The following MFSD1 variants were observed in gnomAD, a reference collection of about 807,000 sequenced individuals.
MFSD1 encodes the protein lysosomal dipeptide transporter MFSD1.
MFSD1 carries 59 observed loss-of-function variants against 67.1 expected under a neutral mutation model. The ratio of observed to expected loss-of-function variants is 0.88; its 90% confidence interval spans 0.71 to 1.09. MFSD1 has a LOEUF of 1.09. Ranked by LOEUF, MFSD1 falls within the 50% of genes least tolerant of loss-of-function variation. The pLI is 0.00. For missense variants in MFSD1, 552 were observed against 566.1 expected (o/e 0.97, Z 0.25); for synonymous variants, 213 against 200.3 (o/e 1.06, Z -0.54).
At chr3:158,827,972 G>GAGAGAGAGAC (rs1731093518) in intron 15 of MFSD1, among the ~76,000 whole-genome samples, 1 of 136,346 alleles carries the variant, frequency 7.3e-6, no homozygotes, top group Admixed American at 7.5e-5. Flanking sequence ...GAGAGAGAGA[G>GAGAGAGAGAC]AGAGAGACAG....
chr3:158,803,646 T>C (rs1264879423), intron 1 of MFSD1, among the ~76,000 whole-genome samples: 1 of 152,234 alleles, frequency 6.6e-6, no homozygotes, highest in Non-Finnish European at 1.5e-5. Context: ...AGTAGAGCTA[T>C]GGAGGCAATA....
chr3:158,807,092 G>C lies in MFSD1; in HGVS notation c.372+10G>C, dbSNP rs965934332. 3.1e-6 allele frequency: 5 copies of C among 1,607,510 alleles called. No homozygotes were observed. In the African/African-American group the frequency reaches 6.7e-5, roughly 22 times the overall value. ...TGTTTGCATTGGACAGGTAAGGAAGGCCAAAACATTCATTGATTATTGACA... is the reference window on the plus strand; with the variant it reads ...TGTTTGCATTGGACAGGTAAGGAAGCCCAAAACATTCATTGATTATTGACA... On this transcript the variant is annotated intron_variant, in intron 4 of 15. Transcript: ENST00000415822.
At position 158,807,034 on chromosome 3, in the gene MFSD1, A is replaced by G. The variant is rs1018674727; in HGVS notation, c.330-6A>G. Reference sequence around the variant, plus strand: ...TTCTCATTCTCATTCTTTCTTTCCCAAACAGATGGGGCACAATCATTTTTA... The same window carrying G: ...TTCTCATTCTCATTCTTTCTTTCCCGAACAGATGGGGCACAATCATTTTTA... On this transcript the variant is annotated splice_region_variant and splice_polypyrimidine_tract_variant and intron_variant, in intron 3 of 15. Transcript: ENST00000415822. 6.2e-7 allele frequency: 1 copy of G among 1,608,034 alleles called. No homozygotes were observed. Among genetic ancestry groups the G allele is most frequent in the Non-Finnish European group, 8.5e-7 (1 of 1,177,400 alleles).
intron 7 of MFSD1, among the ~76,000 whole-genome samples, chr3:158,815,118 C>G (rs530123302): frequency 1.3e-5 from 2 of 152,110 alleles, no homozygotes; most frequent in African/African-American, 4.8e-5. Context: ...AACCAACCAA[C>G]CAAACAAAAC....
At chr3:158,811,231 C>T (rs1730000057) in intron 6 of MFSD1, among the ~76,000 whole-genome samples, 1 of 152,146 alleles carries the variant, frequency 6.6e-6, no homozygotes, top group Non-Finnish European at 1.5e-5. Context: ...CAACTGTGAG[C>T]GCTGTAACCT....
At position 158,819,706 on chromosome 3, in the gene MFSD1, A is replaced by G; in HGVS notation, c.710A>G (p.Gln237Arg). The G allele has an allele frequency of 1.2e-6, 2 of 1,609,812 alleles. No individual in the cohort carries two copies. Residue 237 changes from glutamine (Q) to arginine (R), a missense_variant, in exon 8 of 16, where the codon CAG becomes CGG. Physicochemically the swap from Gln to Arg is conservative, Grantham distance 43 (BLOSUM62 1). Transcript: ENST00000415822. The part of the protein sequence containing the change: ...ICALALAYLD[Q>R]RAERILHKEQ... ...GCCTTGGCTCTTGCCTACTTGGATC[A>G]GAGAGCAGAGAGAATCCTTCATAAA...
intron 13 of MFSD1, among the ~76,000 whole-genome samples, chr3:158,824,986 A>G (rs1730888533): frequency 6.6e-6 from 1 of 152,200 alleles, no homozygotes; most frequent in Admixed American, 6.6e-5. Flanking sequence ...TTTAAAAATA[A>G]ATGTTTAAAA....
chr3:158,809,394 A>G, intron 6 of MFSD1, 107 bp downstream of exon 6: 1 of 712,542 alleles, frequency 1.4e-6, no homozygotes, highest in Non-Finnish European at 2.3e-6. Context: ...GGTAAATTAG[A>G]TATTAACTTT....
chr3:158,809,169 C>G lies in MFSD1; in HGVS notation c.441-10C>G, dbSNP rs202246884. The G allele has an allele frequency of 1.1e-4, 88 of 827,448 alleles. No homozygotes were observed. Among genetic ancestry groups the G allele is most frequent in the Non-Finnish European group, 1.2e-4 (76 of 608,690 alleles). The allele number at this position is 827,448 out of a possible 1,614,324, so 51.3% of individuals were successfully genotyped here. ...TGACTTCTGGTTTTTTTTTTTTTTT[C>G]TATTTTTAGGATTGGTGGCGAGTCC... On this transcript the variant is annotated splice_polypyrimidine_tract_variant and intron_variant, in intron 5 of 15. Transcript: ENST00000415822.
At chr3:158,805,537 T>C (rs1729683055) in intron 3 of MFSD1, 63 bp downstream of exon 3, 2 of 1,189,124 alleles carry the variant, frequency 1.7e-6, no homozygotes, top group African/African-American at 3.0e-5. Context: ...CAGAGCTAGA[T>C]TAAGGTATTT....
chr3:158,820,814 G>A (rs999751067), intron 9 of MFSD1, among the ~76,000 whole-genome samples: 16 of 152,172 alleles, frequency 1.1e-4, no homozygotes, highest in African/African-American at 3.6e-4. Flanking sequence ...CCACTCCCAT[G>A]ATTCAATTAC....
At chr3:158,808,704 G>A (rs967487742) in intron 5 of MFSD1, among the ~76,000 whole-genome samples, 4 of 151,980 alleles carry the variant, frequency 2.6e-5, no homozygotes, top group East Asian at 1.9e-4. Flanking sequence ...GCAGGAATTC[G>A]GACAAAGTGT....
At chr3:158,804,289 A>G (rs1367566836) in intron 1 of MFSD1, 30 bp from the exon 2 acceptor site, 3 of 1,549,220 alleles carry the variant, frequency 1.9e-6, no homozygotes, top group Non-Finnish European at 1.8e-6. Flanking sequence ...GGGAAGTATT[A>G]TTACTTATAA....
chr3:158,824,815 C>T (rs1730877910), intron 13 of MFSD1, among the ~76,000 whole-genome samples: 2 of 152,206 alleles, frequency 1.3e-5, no homozygotes, highest in South Asian at 4.1e-4. Flanking sequence ...AAATGACAAA[C>T]CACAGTGATG....
At position 158,813,170 on chromosome 3, in the gene MFSD1, C is replaced by T. The variant is rs553736959; in HGVS notation, c.550-795C>T. ...CTTTCTTCTTTTTTTTTTTTTGAGA[C>T]GGAGTCTTGCTCTGTCACCCAGGCT... On this transcript the variant is annotated intron_variant, in intron 6 of 15. Coordinates refer to ENST00000415822, the MANE Select transcript of MFSD1 (RefSeq NM_022736.4). Among the ~76,000 whole-genome samples, 9 of 140,802 alleles carry T rather than the reference C, an allele frequency of 6.4e-5. No individual in the cohort carries two copies. In the South Asian group the frequency reaches 6.7e-4, roughly 10 times the overall value. 92.4% of individuals were successfully genotyped at this position (140,802 alleles called of 152,430 possible). A position where few individuals can be genotyped will look rare whatever the true frequency, so the allele number is the denominator to read the frequency against.
chr3:158,817,921 TTC>T (rs1730463191), intron 7 of MFSD1, among the ~76,000 whole-genome samples: 3 of 152,174 alleles, frequency 2.0e-5, no homozygotes, highest in Non-Finnish European at 2.9e-5. Flanking sequence ...TTATCTCCTG[TTC>T]AATTTGGATC....
intron 5 of MFSD1, chr3:158,808,904 A>T: frequency 3.1e-6 from 1 of 325,508 alleles, no homozygotes; most frequent in East Asian, 5.0e-5. Flanking sequence ...TTGCTGTCTC[A>T]TAGCATGGGG....
chr3:158,807,539 C>T (rs905598577), intron 5 of MFSD1, 76 bp downstream of exon 5: 1 of 1,181,258 alleles, frequency 8.5e-7, no homozygotes, highest in Non-Finnish European at 1.3e-6. Flanking sequence ...TTTAAAAAAC[C>T]TTGTCTCTTC....
In MFSD1 at chr3:158,804,309, T is replaced by C; in HGVS notation, c.164-10T>C. ...GTATTATTACTTATAAAGTATTTGCTCTTTTCTAGGCAGCTATTTTTGCTA... is the reference window on the plus strand; with the variant it reads ...GTATTATTACTTATAAAGTATTTGCCCTTTTCTAGGCAGCTATTTTTGCTA... On this transcript the variant is annotated splice_polypyrimidine_tract_variant and intron_variant, in intron 1 of 15. Coordinates refer to ENST00000415822, the MANE Select transcript of MFSD1 (RefSeq NM_022736.4). The C allele has an allele frequency of 6.2e-7, 1 of 1,601,648 alleles. No individual in the cohort carries two copies. The highest frequency in any genetic ancestry group is 8.5e-7 in the Non-Finnish European group (1 of 1,173,044).
Sources: gnomAD v4.1 joint callset for allele counts (sites outside exome capture counted in the v4.1 genomes callset) on GRCh38, gnomAD v4.1.1 for gene constraint, MANE v1.5 for transcripts, NCBI Gene and HGNC (gene_info 2026-07-23, HGNC 2026-07-21) for gene names.